CNTNAP2: variants seen among roughly 807,000 people sequenced by gnomAD.
The protein encoded by CNTNAP2 is contactin associated protein 2.
A neutral mutation model predicts 155.2 loss-of-function variants in CNTNAP2; 98 were observed. The ratio of observed to expected loss-of-function variants is 0.63; its 90% confidence interval spans 0.54 to 0.75. The LOEUF (loss-of-function observed/expected upper bound fraction) is 0.75, where lower values mean the gene tolerates loss of function less well. Among genes scored for constraint, CNTNAP2 ranks in the 30% least tolerant of loss-of-function variants. The pLI, the probability that CNTNAP2 is intolerant of heterozygous loss-of-function variation, is 0.00. For synonymous variants in CNTNAP2, 651 were observed against 631.2 expected, an observed-to-expected ratio of 1.03 and a Z score of -0.47; for missense variants, 1,727 against 1,688.1, an observed-to-expected ratio of 1.02 and a Z score of -0.40.
chr7:147,895,880 C>T (rs1056968218), intron 13 of CNTNAP2, among the ~76,000 whole-genome samples: 6 of 152,198 alleles, frequency 3.9e-5, no homozygotes, highest in Non-Finnish European at 8.8e-5. Context: ...TTAGCCAATG[C>T]TAATAACAAA....
At chr7:146,235,122 A>T (rs542358268) in intron 1 of CNTNAP2, among the ~76,000 whole-genome samples, 2 of 152,194 alleles carry the variant, frequency 1.3e-5, no homozygotes, top group Non-Finnish European at 2.9e-5. Context: ...ATGGCTGTAC[A>T]TAGAAAATAC....
At chr7:146,501,876 A>T (rs1409736237) in intron 1 of CNTNAP2, among the ~76,000 whole-genome samples, 4 of 152,122 alleles carry the variant, frequency 2.6e-5, no homozygotes, top group African/African-American at 9.7e-5. Context: ...AGGCCATGTT[A>T]ACCTGAAGCA....
At chr7:146,897,514 A>G (rs748092183) in intron 3 of CNTNAP2, among the ~76,000 whole-genome samples, 53 of 152,116 alleles carry the variant, frequency 3.5e-4, no homozygotes, top group Non-Finnish European at 5.4e-4. Flanking sequence ...ACGTTGTAGA[A>G]TCCAACAGGC....
intron 3 of CNTNAP2, among the ~76,000 whole-genome samples, chr7:146,944,135 C>T (rs7792455): frequency 0.042 from 6,377 of 150,564 alleles, 151 homozygotes; most frequent in Middle Eastern, 0.09. Flanking sequence ...ATGAAATAGA[C>T]GAGTATCAAC....
chr7:147,609,800 C>T (rs949316159), intron 12 of CNTNAP2, among the ~76,000 whole-genome samples: 17 of 151,998 alleles, frequency 1.1e-4, no homozygotes, highest in Non-Finnish European at 1.6e-4. Flanking sequence ...AACCTGAACA[C>T]CCAAAAGGCC....
At chr7:148,089,016 A>C (rs181279097) in intron 15 of CNTNAP2, among the ~76,000 whole-genome samples, 61 of 152,172 alleles carry the variant, frequency 4.0e-4, no homozygotes, top group Admixed American at 6.5e-4. Flanking sequence ...ACAATAATTA[A>C]TATGATGCAC....
intron 15 of CNTNAP2, among the ~76,000 whole-genome samples, chr7:148,048,915 AT>A (rs1189295288): frequency 1.3e-5 from 2 of 152,156 alleles, no homozygotes; most frequent in Non-Finnish European, 2.9e-5. Flanking sequence ...GGTAATAGCT[AT>A]AAAAATGTGG....
At chr7:146,472,362 C>A (rs1053801981) in intron 1 of CNTNAP2, among the ~76,000 whole-genome samples, 1 of 152,160 alleles carries the variant, frequency 6.6e-6, no homozygotes, top group Non-Finnish European at 1.5e-5. Context: ...AAAATCACAT[C>A]TTTTCTGCTG....
chr7:146,198,500 G>T (rs1001813602), intron 1 of CNTNAP2, among the ~76,000 whole-genome samples: 1 of 152,138 alleles, frequency 6.6e-6, no homozygotes, highest in South Asian at 2.1e-4. Flanking sequence ...GTTTAATTGG[G>T]TGTTGCTAGT....
chr7:146,402,096 TATGTTC>T (rs1795722936), intron 1 of CNTNAP2, among the ~76,000 whole-genome samples: 3 of 152,200 alleles, frequency 2.0e-5, no homozygotes, highest in Admixed American at 6.5e-5. Flanking sequence ...CTTCCATAAG[TATGTTC>T]ATATATAATG....
chr7:147,167,481 C>A, intron 8 of CNTNAP2: 1 of 988,900 alleles, frequency 1.0e-6, no homozygotes, highest in Non-Finnish European at 1.5e-6. Flanking sequence ...CCCTGCCCCA[C>A]TGGAGGTTGC....
At position 147,485,914 on chromosome 7, in the gene CNTNAP2, G is replaced by A. The variant is rs139263526; in HGVS notation, c.1671-21G>A. 2.5e-6 allele frequency: 4 copies of A among 1,611,628 alleles called. No individual in the cohort carries two copies. The African/African-American group carries it at 5.3e-5, about 21-fold the overall frequency. ...CTCATTTGTTTGTTGGTTTATTTCT[G>A]TTTGTCTCTCTCTCTGACAGATGTG... is the stretch of plus-strand genomic sequence containing the variant. On this transcript the variant is annotated intron_variant, in intron 10 of 23. Coordinates refer to ENST00000361727, the MANE Select transcript of CNTNAP2 (RefSeq NM_014141.6).
chr7:146,980,646 C>T (rs1256759339), intron 3 of CNTNAP2, among the ~76,000 whole-genome samples: 9 of 152,228 alleles, frequency 5.9e-5, no homozygotes, highest in South Asian at 4.1e-4. Context: ...AGATGTGTCA[C>T]GTGGCAAGAG....
At position 146,973,844 on chromosome 7, in the gene CNTNAP2, CT is replaced by C. The variant is rs60400428; in HGVS notation, c.403-70059del. Among the ~76,000 whole-genome samples the C allele has an allele frequency of 1.4e-3, 209 of 152,242 alleles. 3 individuals carry two copies. The highest frequency in any genetic ancestry group is 4.8e-3 in the African/African-American group (200 of 41,564). ...CAACTGGATTTCCAAGGTGATCCCC[CT>C]TTTCTAAAAGAAATAATCATAATCT... On this transcript the variant is annotated intron_variant, in intron 3 of 23. Transcript: ENST00000361727.
In CNTNAP2 at chr7:148,217,354, C is replaced by T; in HGVS notation, c.3077C>T (p.Ala1026Val). The T allele has an allele frequency of 6.2e-7, 1 of 1,614,052 alleles. No homozygotes were observed. Among genetic ancestry groups the T allele is most frequent in the Non-Finnish European group, 8.5e-7 (1 of 1,179,994 alleles). The change falls in exon 19 of 24, where the codon GCC becomes GTC. Residue 1026 changes from alanine (A) to valine (V), a missense_variant. Ala to Val is a moderately conservative substitution (Grantham distance 64). Coordinates refer to ENST00000361727, the MANE Select transcript of CNTNAP2 (RefSeq NM_014141.6). ...RYNFQAPATN[A>V]RDSSSRVDNA... ...AACTTTCAGGCACCAGCAACAAATGCCAGAGACTCCAGCAGCAGAGTAGAC... is the reference window on the plus strand; with the variant it reads ...AACTTTCAGGCACCAGCAACAAATGTCAGAGACTCCAGCAGCAGAGTAGAC...
chr7:146,445,767 G>C (rs1014238388), intron 1 of CNTNAP2, among the ~76,000 whole-genome samples: 1 of 152,144 alleles, frequency 6.6e-6, no homozygotes, highest in Non-Finnish European at 1.5e-5. Flanking sequence ...AGAATGGATT[G>C]GTAGTGGAAA....
chr7:147,635,469 A>G (rs1412346128), intron 12 of CNTNAP2, among the ~76,000 whole-genome samples: 1 of 152,038 alleles, frequency 6.6e-6, no homozygotes, highest in African/African-American at 2.4e-5. Flanking sequence ...TGGTTTCCTT[A>G]GATACATTCC....
Position 146,715,080 on chromosome 7 carries a change from C to T in CNTNAP2, c.98-59191C>T, listed in dbSNP as rs150044410. The stretch of plus-strand genomic sequence containing the variant: ...GCGTGATGGCTCACACCTGTAATCC[C>T]AGCACTTTGGGAGACTGAGGCGGGC... On this transcript the variant is annotated intron_variant, in intron 1 of 23. Transcript: ENST00000361727. Among the ~76,000 whole-genome samples, 126 of 152,228 alleles carry T rather than the reference C, an allele frequency of 8.3e-4. 1 individual carries two copies. The East Asian group carries it at 0.019, about 23-fold the overall frequency.
At chr7:146,291,217 A>T (rs1009337478) in intron 1 of CNTNAP2, among the ~76,000 whole-genome samples, 1 of 152,226 alleles carries the variant, frequency 6.6e-6, no homozygotes, top group African/African-American at 2.4e-5. Flanking sequence ...AAAAAATAGA[A>T]AGCATGTAAG....
Sources: gnomAD v4.1 joint callset for allele counts (sites outside exome capture counted in the v4.1 genomes callset) on GRCh38, gnomAD v4.1.1 for gene constraint, MANE v1.5 for transcripts, NCBI Gene and HGNC (gene_info 2026-07-23, HGNC 2026-07-21) for gene names.